Variants in MAN1A2 observed in about 807,000 individuals in gnomAD.
MAN1A2 encodes the protein mannosyl-oligosaccharide 1,2-alpha-mannosidase IB.
MAN1A2 carries 26 observed loss-of-function variants against 75.7 expected under a neutral mutation model. That is an observed-to-expected ratio of 0.34 (90% CI 0.25 to 0.48). The LOEUF (loss-of-function observed/expected upper bound fraction) is 0.48, where lower values mean the gene tolerates loss of function less well. Among genes scored for constraint, MAN1A2 ranks in the 20% least tolerant of loss-of-function variants. The probability of loss-of-function intolerance (pLI) is 0.99; values close to 1 mark genes in which losing one functional copy is unlikely to be tolerated. For synonymous variants in MAN1A2, 247 were observed against 264.6 expected (o/e 0.93, Z 0.65); for missense variants, 562 against 775.5 (o/e 0.72, Z 3.27).
intron 5 of MAN1A2, among the ~76,000 whole-genome samples, chr1:117,435,676 G>T (rs898146782): frequency 1.3e-5 from 2 of 152,166 alleles, no homozygotes; most frequent in Admixed American, 1.3e-4. Context: ...AATGTATTTG[G>T]TTCAAGATAG....
intron 6 of MAN1A2, among the ~76,000 whole-genome samples, chr1:117,447,153 AGTTC>A (rs1462545341): frequency 7.2e-5 from 11 of 152,068 alleles, no homozygotes; most frequent in African/African-American, 2.2e-4. Flanking sequence ...TTTTAACTAT[AGTTC>A]TGCTTTTGGA....
rs111793016 is a variant in MAN1A2, at chr1:117,522,018, T to C, written c.1794-807T>C. ...GGTGTGAGAATGATACAGTGGACTT[T>C]GGGGAGTTTGGGGGAAGAGTGGGAG... On this transcript the variant is annotated intron_variant, in intron 12 of 12. Transcript: ENST00000356554. Among the ~76,000 whole-genome samples the C allele has an allele frequency of 2.2e-3, 338 of 151,958 alleles. 1 individual carries two copies. Among genetic ancestry groups the C allele is most frequent in the Middle Eastern group, 0.017 (5 of 294 alleles).
chr1:117,500,692 T>C (rs1651172710), intron 11 of MAN1A2, among the ~76,000 whole-genome samples: 1 of 151,880 alleles, frequency 6.6e-6, no homozygotes, highest in Non-Finnish European at 1.5e-5. Context: ...CAGGAACAGA[T>C]GCAGCATTTA....
intron 5 of MAN1A2, among the ~76,000 whole-genome samples, chr1:117,423,479 T>A (rs1317962984): frequency 6.6e-6 from 1 of 152,196 alleles, no homozygotes; most frequent in Non-Finnish European, 1.5e-5. Context: ...CAGTATTGTT[T>A]CAGTCCATGA....
chr1:117,521,067 G>A (rs1391030759), intron 12 of MAN1A2, among the ~76,000 whole-genome samples: 6 of 151,996 alleles, frequency 3.9e-5, no homozygotes, highest in Non-Finnish European at 8.8e-5. Flanking sequence ...GTGGGGTAAA[G>A]ACACCCTTTT....
chr1:117,446,450 G>T (rs1570750980), intron 6 of MAN1A2, among the ~76,000 whole-genome samples: 1 of 151,864 alleles, frequency 6.6e-6, no homozygotes, highest in Non-Finnish European at 1.5e-5. Context: ...TCCCTCCAAG[G>T]ACTGCTGTAG....
At chr1:117,510,450 T>C (rs925468935) in intron 12 of MAN1A2, among the ~76,000 whole-genome samples, 5 of 152,052 alleles carry the variant, frequency 3.3e-5, no homozygotes, top group Non-Finnish European at 7.4e-5. Context: ...AAGTAAATCT[T>C]AGACAACAGA....
rs1651900058 is a variant in MAN1A2, at chr1:117,522,728, A to G, written c.1794-97A>G. 4 of 1,065,952 alleles carry G rather than the reference A, an allele frequency of 3.8e-6. No homozygotes were observed. The East Asian group carries it at 7.1e-5, about 19-fold the overall frequency. The allele number at this position is 1,065,952 out of a possible 1,614,324, so 66.0% of individuals were successfully genotyped here. A position where few individuals can be genotyped will look rare whatever the true frequency, so the allele number is the denominator to read the frequency against. On this transcript the variant is annotated intron_variant, in intron 12 of 12. Transcript: ENST00000356554. ...TGATGTTTTTCATCAAAGCTGCTCA[A>G]AATACGTTATTGGTTTTCTGTGCCA...
At chr1:117,441,379 G>A (rs1444178825) in intron 5 of MAN1A2, among the ~76,000 whole-genome samples, 1 of 152,036 alleles carries the variant, frequency 6.6e-6, no homozygotes, top group Non-Finnish European at 1.5e-5. Context: ...GTATTTGGCT[G>A]CAGTAAAAAG....
chr1:117,389,177 T>C (rs1016629730), intron 1 of MAN1A2, among the ~76,000 whole-genome samples: 1 of 152,222 alleles, frequency 6.6e-6, no homozygotes, highest in Non-Finnish European at 1.5e-5. Flanking sequence ...AAGAACGAGT[T>C]ACTATGTGCA....
chr1:117,387,447 T>C (rs1653572552), intron 1 of MAN1A2, among the ~76,000 whole-genome samples: 1 of 152,228 alleles, frequency 6.6e-6, no homozygotes, highest in Non-Finnish European at 1.5e-5. Context: ...GTGCTGACAG[T>C]ATGTGGTTCT....
rs145271519 is a variant in MAN1A2, at chr1:117,519,710, C to G, written c.1794-3115C>G. Reference sequence around the variant, plus strand: ...TTAACAATTACCAACAAAAAAAAGCCCAGGAACAGACGGATTCACAGCAGA... The same window carrying G: ...TTAACAATTACCAACAAAAAAAAGCGCAGGAACAGACGGATTCACAGCAGA... On this transcript the variant is annotated intron_variant, in intron 12 of 12. Coordinates refer to ENST00000356554, the MANE Select transcript of MAN1A2 (RefSeq NM_006699.5). Among the ~76,000 whole-genome samples the G allele has an allele frequency of 7.4e-3, 1,117 of 151,916 alleles. 18 individuals are homozygous for G. Among genetic ancestry groups the G allele is most frequent in the African/African-American group, 0.026 (1,069 of 41,460 alleles).
At chr1:117,395,513 T>TA (rs1159305150) in intron 1 of MAN1A2, among the ~76,000 whole-genome samples, 1 of 152,194 alleles carries the variant, frequency 6.6e-6, no homozygotes, top group African/African-American at 2.4e-5. Context: ...AAGCCACAAT[T>TA]ACTAGTTTTG....
chr1:117,522,685 G>GTCTGAGGTT, intron 12 of MAN1A2, 140 bp from the exon 13 acceptor site: 1 of 698,270 alleles, frequency 1.4e-6, no homozygotes, highest in South Asian at 1.8e-5. Context: ...TCATTTGGGT[G>GTCTGAGGTT]TCTGAGGTTT....
intron 8 of MAN1A2, among the ~76,000 whole-genome samples, chr1:117,468,967 A>G (rs1291309589): frequency 6.6e-6 from 1 of 152,190 alleles, no homozygotes; most frequent in Admixed American, 6.6e-5. Flanking sequence ...TTTTAAATAA[A>G]AAGAGAATCC....
Position 117,486,978 on chromosome 1 carries a change from GTAA to G in MAN1A2, c.1169-6168_1169-6166del, listed in dbSNP as rs1477080813. On this transcript the variant is annotated intron_variant, in intron 8 of 12. Coordinates refer to ENST00000356554, the MANE Select transcript of MAN1A2 (RefSeq NM_006699.5). Reference sequence around the variant, plus strand: ...CCTTGGAGAAGAGAGCTGAGTGTGAGTAAGTAAGATTGGGAACATATTAAGCCT... The same window carrying G: ...CCTTGGAGAAGAGAGCTGAGTGTGAGGTAAGATTGGGAACATATTAAGCCT... Among the ~76,000 whole-genome samples, 14 of 152,086 alleles carry G rather than the reference GTAA, an allele frequency of 9.2e-5. No homozygotes were observed. The Middle Eastern group carries it at 0.024, about 259-fold the overall frequency.
chr1:117,404,421 C>A (rs1192739636), intron 2 of MAN1A2, among the ~76,000 whole-genome samples: 3 of 152,122 alleles, frequency 2.0e-5, no homozygotes, highest in African/African-American at 7.2e-5. Flanking sequence ...CTAAGTGATA[C>A]AAATAGTATT....
intron 1 of MAN1A2, among the ~76,000 whole-genome samples, chr1:117,370,111 A>T (rs757618872): frequency 6.6e-6 from 1 of 152,246 alleles, no homozygotes; most frequent in Non-Finnish European, 1.5e-5. Context: ...TGTGCCTTTT[A>T]TTCACATTTT....
chr1:117,418,833 G>A (rs72691709), intron 4 of MAN1A2, among the ~76,000 whole-genome samples: 11,936 of 152,082 alleles, frequency 0.078, 523 homozygotes, highest in Middle Eastern at 0.15. Context: ...TTTGATTACC[G>A]TGTGATTATA....
Sources: allele counts gnomAD v4.1 joint callset (sites outside exome capture counted in the v4.1 genomes callset), GRCh38; gene constraint gnomAD v4.1.1; transcripts MANE v1.5; gene names NCBI Gene and HGNC (gene_info 2026-07-23, HGNC 2026-07-21).